Variants in PIGG observed in about 807,000 individuals in gnomAD.
PIGG encodes GPI ethanolamine phosphate transferase 2, catalytic subunit.
Under a neutral mutation model 83.2 loss-of-function variants are expected in PIGG, and 70 were observed. The observed-to-expected ratio is 0.84, with a 90% CI of 0.69 to 1.03. The LOEUF (loss-of-function observed/expected upper bound fraction) is 1.03. Ranked by LOEUF, PIGG falls within the 50% of genes least tolerant of loss-of-function variation. The pLI is 0.00. For missense variants in PIGG, 1,257 were observed against 1,233.6 expected (o/e 1.02, Z -0.28); for synonymous variants, 532 against 519.5 (o/e 1.02, Z -0.33).
chr4:507,730 ACACGGGCAGCACTGTCTCAGTGTC>A, intron 4 of PIGG, 137 bp downstream of exon 4: 1 of 722,990 alleles, frequency 1.4e-6, no homozygotes, highest in Non-Finnish European at 2.3e-6. Context: ...GCCGCATGCC[ACACGGGCAGCACTGTCTCAGTGTC>A]CACTGCACTG....
At chr4:499,554 G>T (rs1716781005) in intron 1 of PIGG, 65 bp downstream of exon 1, 26 of 1,480,314 alleles carry the variant, frequency 1.8e-5, no homozygotes, top group Admixed American at 2.4e-5. Flanking sequence ...CCTTTTTTCT[G>T]AGCCTCGCTG....
At position 528,365 on chromosome 4, in the gene PIGG, T is replaced by TG. The variant is rs1728232718; in HGVS notation, c.2261+1136dup. The TG allele has an allele frequency of 1.0e-6, 1 of 985,290 alleles. No homozygotes were observed. The highest frequency in any genetic ancestry group is 6.1e-5 in the Admixed American group (1 of 16,270). 61.0% of individuals were successfully genotyped at this position (985,290 alleles called of 1,614,324 possible). ...AGCGATGTCTAGAGTTAATAAGTGT[T>TG]GCTTTTCTAATCACAGCAAGTCAAG... On this transcript the variant is annotated intron_variant, in intron 10 of 12. Transcript: ENST00000453061. The surrounding 1 kb of genome is among the most constrained non-coding windows in gnomAD (Gnocchi z 4.8).
At chr4:527,879 G>A (rs1226824578) in intron 10 of PIGG, 6 of 985,280 alleles carry the variant, frequency 6.1e-6, no homozygotes, top group South Asian at 4.7e-5. Flanking sequence ...GTAACATGTG[G>A]GTGACCCTCT....
At chr4:537,997 GACAC>G (rs1229094929) in intron 12 of PIGG, among the ~76,000 whole-genome samples, 65 of 150,828 alleles carry the variant, frequency 4.3e-4, no homozygotes, top group African/African-American at 1.4e-3. Context: ...GTGGGGCCCA[GACAC>G]ACATACGTGC....
At chr4:526,936 A>G in intron 9 of PIGG, 103 bp from the exon 10 acceptor site, 4 of 1,281,252 alleles carry the variant, frequency 3.1e-6, no homozygotes, top group Non-Finnish European at 4.3e-6. Context: ...GGTTTTTGGG[A>G]AAATCAGCTA....
chr4:515,984 C>T lies in PIGG; in HGVS notation c.913C>T (p.His305Tyr). ...TTTCTTTCTTCTAGGTGATATCCGA[C>T]ATCCAAAGCACGTCCAACAGACGGA... ...AFERKPGDIR[H>Y]PKHVQQTDVA... Residue 305 changes from histidine (H) to tyrosine (Y), a missense_variant, in exon 6 of 13, where the codon CAT becomes TAT. His to Tyr is a moderately conservative substitution (Grantham distance 83). Transcript: ENST00000453061. This position sits in a 1 kb window ranked among gnomAD's most constrained non-coding sequence, Gnocchi z 4.2. 1 of 1,613,726 alleles carries T rather than the reference C, an allele frequency of 6.2e-7. No individual in the cohort carries two copies. The highest frequency in any genetic ancestry group is 8.5e-7 in the Non-Finnish European group (1 of 1,179,584).
intron 6 of PIGG, among the ~76,000 whole-genome samples, chr4:520,692 C>G (rs1393654982): frequency 6.6e-6 from 1 of 152,148 alleles, no homozygotes; most frequent in Non-Finnish European, 1.5e-5. Flanking sequence ...TTTTATATTG[C>G]ACGTTGACAA....
chr4:505,833 T>C lies in PIGG; in HGVS notation c.476T>C (p.Val159Ala), dbSNP rs1162900868. ...RQAKAAGKRIVFYGDETWVKL... is the reference protein window; with the variant it reads ...RQAKAAGKRIAFYGDETWVKL... The stretch of plus-strand genomic sequence containing the variant: ...GCAAAAGCAGCTGGAAAAAGAATAG[T>C]CTTTTATGGAGATGAAACCTGGGTT... Residue 159 changes from valine (V) to alanine (A), a missense_variant, in exon 3 of 13, where the codon GTC (valine) becomes GCC (alanine). Val to Ala is a moderately conservative substitution (Grantham distance 64, BLOSUM62 0). Coordinates refer to ENST00000453061, the MANE Select transcript of PIGG (RefSeq NM_001127178.3). 6.2e-7 allele frequency: 1 copy of C among 1,613,228 alleles called. No homozygotes were observed. The highest frequency in any genetic ancestry group is 1.7e-5 in the Admixed American group (1 of 59,900).
chr4:539,858 A>T lies in PIGG; in HGVS notation c.*489A>T, dbSNP rs7441980. ...ATAAGGAATCTATTGCATATTAATG[A>T]AACACTTGAAGGAAAAGTAACTATA... On this transcript the variant is annotated 3_prime_UTR_variant, in exon 13 of 13. Transcript: ENST00000453061. 29,587 of 152,440 alleles carry T rather than the reference A, an allele frequency of 0.19. 3,552 individuals are homozygous for T. Among genetic ancestry groups the T allele is most frequent in the African/African-American group, 0.35 (14,413 of 41,442 alleles). 9.4% of individuals were successfully genotyped at this position (152,440 alleles called of 1,614,324 possible).
At chr4:509,499 G>A (rs1026569819) in intron 5 of PIGG, among the ~76,000 whole-genome samples, 2 of 152,194 alleles carry the variant, frequency 1.3e-5, no homozygotes, top group African/African-American at 4.8e-5. Flanking sequence ...CGGCCTTGCT[G>A]TCCTGTCGGC....
rs1731614797 is a variant in PIGG, at chr4:539,824, T to A, written c.*455T>A. 6.5e-6 allele frequency: 1 copy of A among 153,298 alleles called. No homozygotes were observed. The highest frequency in any genetic ancestry group is 2.4e-5 in the African/African-American group (1 of 41,478). The allele number at this position is 153,298 out of a possible 1,614,324, so 9.5% of individuals were successfully genotyped here. ...TGAGATGAAAACTAAGATAAAAAAGTATTCATTTATAAGGAATCTATTGCA... is the reference window on the plus strand; with the variant it reads ...TGAGATGAAAACTAAGATAAAAAAGAATTCATTTATAAGGAATCTATTGCA... On this transcript the variant is annotated 3_prime_UTR_variant, in exon 13 of 13. Transcript: ENST00000453061.
chr4:501,805 A>T (rs1037075486), intron 2 of PIGG: 30 of 152,388 alleles, frequency 2.0e-4, no homozygotes, highest in African/African-American at 7.2e-4. Context: ...AGTGAAGAAC[A>T]AGACAGCATT....
At position 508,954 on chromosome 4, in the gene PIGG, G is replaced by A. The variant is rs189449890; in HGVS notation, c.885G>A (p.Ala295=). ...CACCTCTGATTTTAATCAGTTCTGC[G>A]TTTGAAAGGAAACCCGGTGAGAATT... The part of the protein sequence containing the change: ...VNTPLILISS[A]FERKPGDIRH... Residue 295 remains alanine (A), a synonymous_variant, in exon 5 of 13, where the codon GCG becomes GCA. Transcript: ENST00000453061. 1.2e-4 allele frequency: 199 copies of A among 1,612,138 alleles called. No homozygotes were observed. Among genetic ancestry groups the A allele is most frequent in the Admixed American group, 7.2e-4 (43 of 59,666 alleles).
chr4:513,216 T>G (rs1021726113), intron 5 of PIGG, among the ~76,000 whole-genome samples: 1 of 152,266 alleles, frequency 6.6e-6, no homozygotes. Context: ...TTACCACTTA[T>G]GCTTGTTTTA....
intron 6 of PIGG, among the ~76,000 whole-genome samples, chr4:519,562 G>C (rs1389311895): frequency 6.6e-6 from 1 of 152,368 alleles, no homozygotes; most frequent in East Asian, 1.9e-4. Context: ...TGTCTCAGTT[G>C]CCTCCTCTGG....
chr4:525,451 T>C, intron 9 of PIGG: 1 of 724,792 alleles, frequency 1.4e-6, no homozygotes, highest in South Asian at 6.2e-5. Context: ...CTGTAAGAAA[T>C]GGCAGCAGAA....
chr4:526,845 A>G, intron 9 of PIGG, 194 bp from the exon 10 acceptor site: 4 of 662,992 alleles, frequency 6.0e-6, no homozygotes, highest in Non-Finnish European at 1.0e-5. Context: ...ACCACACCCC[A>G]CTGAGGTTGA....
intron 7 of PIGG, 44 bp from the exon 8 acceptor site, chr4:521,616 T>C (rs1725907559): frequency 1.3e-6 from 2 of 1,592,554 alleles, no homozygotes. Flanking sequence ...AGTGGGTTTC[T>C]CCAAGCCCAG....
At chr4:506,427 A>G (rs958830388) in intron 3 of PIGG, among the ~76,000 whole-genome samples, 1 of 152,190 alleles carries the variant, frequency 6.6e-6, no homozygotes, top group Non-Finnish European at 1.5e-5. Context: ...TTAGACCTGC[A>G]TGTTAGAAAG....
Sources: allele counts gnomAD v4.1 joint callset (sites outside exome capture counted in the v4.1 genomes callset), GRCh38; gene constraint gnomAD v4.1.1; non-coding constraint Gnocchi (gnomAD v3.1); transcripts MANE v1.5; gene names NCBI Gene and HGNC (gene_info 2026-07-23, HGNC 2026-07-21).